The following DNAAF11 variants were observed in gnomAD, a reference collection of about 807,000 sequenced individuals.
DNAAF11 encodes the protein leucine rich repeat containing 6.
A neutral mutation model predicts 60.8 loss-of-function variants in DNAAF11; 45 were observed. The observed-to-expected ratio is 0.74, with a 90% CI of 0.58 to 0.95. DNAAF11 has a LOEUF of 0.95. Ranked by LOEUF, DNAAF11 falls within the 40% of genes least tolerant of loss-of-function variation. The probability of loss-of-function intolerance (pLI) is 0.00; values close to 1 mark genes in which losing one functional copy is unlikely to be tolerated. For missense variants in DNAAF11, 546 were observed against 546.2 expected (o/e 1.00, Z 0.00); for synonymous variants, 191 against 183.5 (o/e 1.04, Z -0.33).
the DNAAF11 span, among the ~76,000 whole-genome samples, chr8:132,683,091 C>G: frequency 6.6e-6 from 1 of 152,166 alleles, no homozygotes; most frequent in African/African-American, 2.4e-5. Context: ...CACATAATAG[C>G]AGATGGATTC....
At chr8:132,599,956 T>C (rs1050573179) in intron 10 of DNAAF11, among the ~76,000 whole-genome samples, 13 of 151,542 alleles carry the variant, frequency 8.6e-5, no homozygotes, top group African/African-American at 3.2e-4. Context: ...TAAAGGGTAC[T>C]CAATTAGGAA....
At position 132,646,522 on chromosome 8, in the gene DNAAF11, A is replaced by G. The variant is rs571152578; in HGVS notation, c.257-8415T>C. ...AAATGTAAATAGGCTAAATTCTCCA[A>G]TTAAAAGACACAGACTGGCAAATTG... On this transcript the variant is annotated intron_variant, in intron 3 of 11. Transcript: ENST00000620350. Among the ~76,000 whole-genome samples, 39 of 152,354 alleles carry G rather than the reference A, an allele frequency of 2.6e-4. No homozygotes were observed. In the South Asian group the frequency reaches 8.1e-3, roughly 32 times the overall value.
At chr8:132,591,630 T>G (rs1173983506) in intron 10 of DNAAF11, among the ~76,000 whole-genome samples, 2 of 152,054 alleles carry the variant, frequency 1.3e-5, no homozygotes, top group Non-Finnish European at 2.9e-5. Context: ...ATGGGACATA[T>G]CAGCATTTAA....
At chr8:132,674,663 C>A (rs1036692852) in intron 1 of DNAAF11, among the ~76,000 whole-genome samples, 4 of 152,288 alleles carry the variant, frequency 2.6e-5, no homozygotes, top group African/African-American at 4.8e-5. Context: ...CCGAGGCGGG[C>A]GGATCACCTG....
At chr8:132,639,694 G>C (rs556800436) in intron 3 of DNAAF11, among the ~76,000 whole-genome samples, 9 of 152,146 alleles carry the variant, frequency 5.9e-5, no homozygotes, top group African/African-American at 2.2e-4. Flanking sequence ...CTCTTATTAA[G>C]TCAGATCCCA....
chr8:132,609,083 G>A (rs1818397020), intron 10 of DNAAF11, among the ~76,000 whole-genome samples: 1 of 151,972 alleles, frequency 6.6e-6, no homozygotes, highest in Non-Finnish European at 1.5e-5. Flanking sequence ...TAAATGACTT[G>A]GGCAAAGTTG....
At chr8:132,681,138 G>A in the DNAAF11 span, among the ~76,000 whole-genome samples, 1 of 143,146 alleles carries the variant, frequency 7.0e-6, no homozygotes. Context: ...AGCCTCCCAA[G>A]TAGCTGGGAT....
intron 10 of DNAAF11, among the ~76,000 whole-genome samples, chr8:132,595,348 G>GAAA (rs71306394): frequency 3.5e-5 from 2 of 57,412 alleles, no homozygotes; most frequent in African/African-American, 2.2e-4. Context: ...AGACAGAGGG[G>GAAA]AAAAAAAAAA....
chr8:132,576,048 G>C (rs1483983580), intron 11 of DNAAF11, among the ~76,000 whole-genome samples: 1 of 152,222 alleles, frequency 6.6e-6, no homozygotes, highest in African/African-American at 2.4e-5. Flanking sequence ...TACTCAAGCA[G>C]TAGGGAGTGT....
chr8:132,620,610 T>C (rs897954914), intron 7 of DNAAF11, among the ~76,000 whole-genome samples: 2 of 152,168 alleles, frequency 1.3e-5, no homozygotes, highest in African/African-American at 2.4e-5. Context: ...GCTGGGATTA[T>C]AGGCGTGAGC....
Position 132,661,643 on chromosome 8 carries a change from T to C in DNAAF11, c.11-16A>G. ...TCTTCTGTGACTGGAAGAAAATGTG[T>C]TACATATTACATTTCTGTCCCCATT... On this transcript the variant is annotated splice_polypyrimidine_tract_variant and intron_variant, in intron 1 of 11. Transcript: ENST00000620350. The C allele has an allele frequency of 6.2e-7, 1 of 1,604,606 alleles. No individual in the cohort carries two copies. Among genetic ancestry groups the C allele is most frequent in the South Asian group, 1.1e-5 (1 of 90,904 alleles).
At chr8:132,686,070 G>T in the DNAAF11 span, among the ~76,000 whole-genome samples, 22 of 152,296 alleles carry the variant, frequency 1.4e-4, no homozygotes, top group African/African-American at 5.1e-4. Flanking sequence ...TGAAGATGAT[G>T]ATATGGGCTA....
At chr8:132,699,509 C>T in the DNAAF11 span, among the ~76,000 whole-genome samples, 3 of 152,172 alleles carry the variant, frequency 2.0e-5, no homozygotes, top group Non-Finnish European at 4.4e-5. Flanking sequence ...GTGGAGACTG[C>T]AGCCTGGAAG....
At chr8:132,667,624 ATCTG>A (rs1244298067) in intron 1 of DNAAF11, among the ~76,000 whole-genome samples, 1 of 152,226 alleles carries the variant, frequency 6.6e-6, no homozygotes, top group African/African-American at 2.4e-5. Context: ...GCTAACCAAT[ATCTG>A]TCTGACTGGA....
intron 7 of DNAAF11, among the ~76,000 whole-genome samples, chr8:132,621,522 G>A (rs1386551872): frequency 6.6e-6 from 1 of 152,132 alleles, no homozygotes; most frequent in Non-Finnish European, 1.5e-5. Context: ...CAGTGTGTGG[G>A]AAGAGTGGTG....
chr8:132,651,083 C>T (rs1466749224), intron 3 of DNAAF11, among the ~76,000 whole-genome samples: 1 of 152,124 alleles, frequency 6.6e-6, no homozygotes, highest in African/African-American at 2.4e-5. Flanking sequence ...CAGCCTCTAT[C>T]TCCTGTTCTG....
At chr8:132,694,836 A>C in the DNAAF11 span, among the ~76,000 whole-genome samples, 1 of 152,198 alleles carries the variant, frequency 6.6e-6, no homozygotes, top group Non-Finnish European at 1.5e-5. Flanking sequence ...AGAGGTGTTT[A>C]CAATCGTGAG....
chr8:132,633,384 T>C (rs10464874), intron 4 of DNAAF11, among the ~76,000 whole-genome samples: 1 of 152,148 alleles, frequency 6.6e-6, no homozygotes, highest in African/African-American at 2.4e-5. Context: ...GAGCCCATGT[T>C]TCACCCTTAA....
intron 2 of DNAAF11, among the ~76,000 whole-genome samples, chr8:132,659,130 C>T (rs1278023253): frequency 2.0e-5 from 3 of 152,152 alleles, no homozygotes; most frequent in South Asian, 2.1e-4. Flanking sequence ...GGTCTGGGGA[C>T]GGGGCACTTG....
Sources: gnomAD v4.1 joint callset for allele counts (sites outside exome capture counted in the v4.1 genomes callset) on GRCh38, gnomAD v4.1.1 for gene constraint, MANE v1.5 for transcripts, NCBI Gene and HGNC (gene_info 2026-07-23, HGNC 2026-07-21) for gene names.